ZNF547: variants seen among roughly 807,000 people sequenced by gnomAD.
The protein encoded by ZNF547 is zinc finger protein 547.
ZNF547 carries 4 observed loss-of-function variants against 7.7 expected under a neutral mutation model. The observed-to-expected ratio is 0.52, with a 90% CI of 0.26 to 1.20. ZNF547 has a LOEUF of 1.20. ZNF547 is among the 50% of genes most tolerant of loss of function. The pLI is 0.14. For missense variants in ZNF547, 449 were observed against 485.8 expected (o/e 0.92, Z 0.71); for synonymous variants, 166 against 166.2 (o/e 1.00, Z 0.01).
In ZNF547 at chr19:57,371,889, G is replaced by C; in HGVS notation, c.132G>C (p.Leu44Phe). Residue 44 changes from leucine to phenylalanine, a missense_variant, in exon 3 of 4, where the codon TTG (leucine) becomes TTC (phenylalanine). Physicochemically the swap from Leu to Phe is conservative, Grantham distance 22. Transcript: ENST00000282282. ...ACCGTGATGTGATGCTGGAGAATTT[G>C]GCCCTTTTGTCCTCACTAGGTAAGG... ...LLYRDVMLEN[L>F]ALLSSLGCCH... is the part of the protein sequence containing the mutation. 5.6e-6 allele frequency: 9 copies of C among 1,611,626 alleles called. No homozygotes were observed. Among genetic ancestry groups the C allele is most frequent in the Non-Finnish European group, 7.6e-6 (9 of 1,178,602 alleles).
Position 57,370,696 on chromosome 19 carries a change from A to C in ZNF547, c.25-1086A>C, listed in dbSNP as rs368133071. On this transcript the variant is annotated intron_variant, in intron 2 of 3. Transcript: ENST00000282282. ...AGGCAAGATCTGGGTGACTCCATGGAAACTGGCTGGCAGGAGAGGATGGAT... is the reference window on the plus strand; with the variant it reads ...AGGCAAGATCTGGGTGACTCCATGGCAACTGGCTGGCAGGAGAGGATGGAT... 1.5e-3 allele frequency among the ~76,000 whole-genome samples: 233 copies of C among 152,298 alleles called. 1 individual carries two copies. The highest frequency in any genetic ancestry group is 4.1e-3 in the East Asian group (21 of 5,158).
intron 1 of ZNF547, among the ~76,000 whole-genome samples, chr19:57,366,291 G>A (rs2123010663): frequency 6.6e-6 from 1 of 151,834 alleles, no homozygotes; most frequent in Non-Finnish European, 1.5e-5. Flanking sequence ...CACGATCTTG[G>A]CTCACTGCAG....
intron 1 of ZNF547, chr19:57,364,727 C>G: frequency 1.1e-6 from 1 of 945,482 alleles, no homozygotes; most frequent in South Asian, 1.5e-5. Flanking sequence ...GGCGACAGAG[C>G]GAGATTCCGT....
Position 57,377,680 on chromosome 19 carries a change from C to G in ZNF547, c.704C>G (p.Ser235Cys). Residue 235 changes from serine (S) to cysteine (C), a missense_variant, in exon 4 of 4, where the codon TCT becomes TGT. By Grantham distance (112) the Ser-to-Cys change is moderately radical. Transcript: ENST00000282282. ...CTTGTTCGTCACCAGACAATCCACTCTGGAGAAAGGCCTTATGAGTGCAGT... is the reference window on the plus strand; with the variant it reads ...CTTGTTCGTCACCAGACAATCCACTGTGGAGAAAGGCCTTATGAGTGCAGT... ...SHLVRHQTIH[S>C]GERPYECSEC... 3 of 1,612,360 alleles carry G rather than the reference C, an allele frequency of 1.9e-6. No homozygotes were observed. Among genetic ancestry groups the G allele is most frequent in the Non-Finnish European group, 2.5e-6 (3 of 1,178,658 alleles).
At chr19:57,371,568 T>C in intron 2 of ZNF547, 1 of 671,076 alleles carries the variant, frequency 1.5e-6, no homozygotes, top group Non-Finnish European at 2.4e-6. Context: ...TGGGTTGATT[T>C]AGAGCATGGG....
Position 57,377,453 on chromosome 19 carries a change from T to C in ZNF547, c.477T>C (p.Ser159=). 1 of 1,614,244 alleles carries C rather than the reference T, an allele frequency of 6.2e-7. No homozygotes were observed. The highest frequency in any genetic ancestry group is 8.5e-7 in the Non-Finnish European group (1 of 1,180,048). ...TGGCAGGGAAGACCTTCTTGTGCAG[T>C]GAATGTGGGAAAGCCTTTAGCCACA... ...VHMAGKTFLC[S]ECGKAFSHKH... The change falls in exon 4 of 4, where the codon AGT becomes AGC. Residue 159 remains serine, a synonymous_variant. Coordinates refer to ENST00000282282, the MANE Select transcript of ZNF547 (RefSeq NM_173631.4).
intron 1 of ZNF547, among the ~76,000 whole-genome samples, chr19:57,366,954 G>T (rs2088474624): frequency 6.6e-6 from 1 of 152,214 alleles, no homozygotes; most frequent in Non-Finnish European, 1.5e-5. Flanking sequence ...TAGGAATAGT[G>T]ATCTTGCTAT....
At chr19:57,375,512 A>G (rs1008278007) in intron 3 of ZNF547, among the ~76,000 whole-genome samples, 4 of 151,338 alleles carry the variant, frequency 2.6e-5, no homozygotes, top group Admixed American at 2.6e-4. Context: ...AACAACAAAA[A>G]TTAGCCGGGC....
chr19:57,364,473 TGGCTCA>T, intron 1 of ZNF547: 1 of 329,010 alleles, frequency 3.0e-6, no homozygotes, highest in South Asian at 3.0e-5. Flanking sequence ...CCGGGCGTGG[TGGCTCA>T]CGCCGGTAAT....
chr19:57,367,340 A>G (rs2088477003), intron 1 of ZNF547, among the ~76,000 whole-genome samples: 2 of 152,108 alleles, frequency 1.3e-5, no homozygotes, highest in South Asian at 2.1e-4. Flanking sequence ...CTTTTCAGCA[A>G]GTAATTCTAA....
intron 3 of ZNF547, among the ~76,000 whole-genome samples, chr19:57,372,437 G>A (rs1427277873): frequency 1.3e-5 from 2 of 152,138 alleles, no homozygotes; most frequent in Non-Finnish European, 2.9e-5. Flanking sequence ...TCTCTTTCAG[G>A]TCTCACAGAC....
In ZNF547 at chr19:57,378,890, A is replaced by C. The variant is rs367758602; in HGVS notation, c.*705A>C. The C allele has an allele frequency of 7.7e-4, 220 of 286,456 alleles. 1 individual carries two copies. The highest frequency in any genetic ancestry group is 3.6e-3 in the African/African-American group (156 of 43,718). 17.7% of individuals were successfully genotyped at this position (286,456 alleles called of 1,614,324 possible). ...AGTCCCTGGCGACCACCATATTTTTAAGTCATTATGACTCTGACTATTCTT... is the reference window on the plus strand; with the variant it reads ...AGTCCCTGGCGACCACCATATTTTTCAGTCATTATGACTCTGACTATTCTT... On this transcript the variant is annotated 3_prime_UTR_variant, in exon 4 of 4. Coordinates refer to ENST00000282282, the MANE Select transcript of ZNF547 (RefSeq NM_173631.4).
At chr19:57,373,967 T>C (rs766386993) in intron 3 of ZNF547, among the ~76,000 whole-genome samples, 63 of 152,166 alleles carry the variant, frequency 4.1e-4, no homozygotes, top group Non-Finnish European at 7.2e-4. Flanking sequence ...GACGTGGCCT[T>C]CTTCTCATAG....
intron 3 of ZNF547, among the ~76,000 whole-genome samples, chr19:57,372,954 C>G (rs1327232433): frequency 2.6e-5 from 4 of 152,236 alleles, no homozygotes; most frequent in Admixed American, 6.5e-5. Flanking sequence ...GTACCCCTCT[C>G]TTGTGTTCTT....
At chr19:57,364,978 G>A (rs767720279) in intron 1 of ZNF547, 20 of 1,612,836 alleles carry the variant, frequency 1.2e-5, no homozygotes, top group South Asian at 3.3e-5. Flanking sequence ...TCTCGACCTC[G>A]TAGATGAGAA....
intron 1 of ZNF547, chr19:57,364,636 G>C (rs1173076060): frequency 2.0e-5 from 12 of 605,214 alleles, no homozygotes; most frequent in Non-Finnish European, 3.2e-5. Flanking sequence ...AGCTATTCGG[G>C]AGGCTGAGGC....
rs982137991 is a variant in ZNF547, at chr19:57,378,734, A to G, written c.*549A>G. ...ATGCCACATAAAATTTGCCATCTTAACTATTGTAATGTCTTGTTTAATACT... is the reference window on the plus strand; with the variant it reads ...ATGCCACATAAAATTTGCCATCTTAGCTATTGTAATGTCTTGTTTAATACT... On this transcript the variant is annotated 3_prime_UTR_variant, in exon 4 of 4. Coordinates refer to ENST00000282282, the MANE Select transcript of ZNF547 (RefSeq NM_173631.4). 2 of 427,708 alleles carry G rather than the reference A, an allele frequency of 4.7e-6. No homozygotes were observed. Among genetic ancestry groups the G allele is most frequent in the African/African-American group, 4.1e-5 (2 of 48,716 alleles). 26.5% of individuals were successfully genotyped at this position (427,708 alleles called of 1,614,324 possible).
At chr19:57,367,836 T>A (rs1178916892) in intron 1 of ZNF547, among the ~76,000 whole-genome samples, 2 of 152,232 alleles carry the variant, frequency 1.3e-5, no homozygotes, top group African/African-American at 2.4e-5. Context: ...TCTCCACATA[T>A]CAAGGCAAGA....
rs752861346 is a variant in ZNF547 at position 57,378,407 on chromosome 19, T to C, written c.*222T>C. 23 of 703,998 alleles carry C rather than the reference T, an allele frequency of 3.3e-5. No individual in the cohort carries two copies. In the African/African-American group the frequency reaches 3.6e-4, roughly 11 times the overall value. 43.6% of individuals were successfully genotyped at this position (703,998 alleles called of 1,614,324 possible). On this transcript the variant is annotated 3_prime_UTR_variant, in exon 4 of 4. Transcript: ENST00000282282. ...GGTTTGACTCTCATCTCATTAGACA[T>C]TGGAGAGTTTACACTGAAGAAGAGT...
Sources: allele counts gnomAD v4.1 joint callset (sites outside exome capture counted in the v4.1 genomes callset), GRCh38; gene constraint gnomAD v4.1.1; transcripts MANE v1.5; gene names NCBI Gene and HGNC (gene_info 2026-07-23, HGNC 2026-07-21).